PSMD1: variants seen among roughly 807,000 people sequenced by gnomAD.
PSMD1 encodes 26S proteasome non-ATPase regulatory subunit 1.
A neutral mutation model predicts 119.0 loss-of-function variants in PSMD1; 18 were observed. That is an observed-to-expected ratio of 0.15 (90% CI 0.10 to 0.22). The LOEUF (loss-of-function observed/expected upper bound fraction) is 0.22. Ranked by LOEUF, PSMD1 falls within the 10% of genes least tolerant of loss-of-function variation. PSMD1 has a pLI of 1.00. For synonymous variants in PSMD1, 374 were observed against 396.6 expected, an observed-to-expected ratio of 0.94 and a Z score of 0.68; for missense variants, 702 against 1,158.5, an observed-to-expected ratio of 0.61 and a Z score of 5.72.
In PSMD1 at chr2:231,078,730, C is replaced by G. The variant is rs1694228148; in HGVS notation, c.1143C>G (p.Thr381=). The G allele has an allele frequency of 1.9e-6, 3 of 1,602,980 alleles. No individual in the cohort carries two copies. Among genetic ancestry groups the G allele is most frequent in the Non-Finnish European group, 2.6e-6 (3 of 1,175,702 alleles). The change falls in exon 10 of 25, where the codon ACC becomes ACG. Residue 381 remains threonine (T), a synonymous_variant. Coordinates refer to ENST00000308696, the MANE Select transcript of PSMD1 (RefSeq NM_002807.4). The part of the protein sequence containing the change: ...IANSFMHCGT[T]SDQFLRDNLE... ...ACTCTTTTATGCACTGTGGGACAAC[C>G]AGTGACCAGTTTCTTAGGTAAATAT...
chr2:231,064,066 T>G (rs1693832196), intron 4 of PSMD1, among the ~76,000 whole-genome samples: 2 of 152,242 alleles, frequency 1.3e-5, no homozygotes, highest in South Asian at 4.1e-4. Context: ...ACTGGACTGT[T>G]GGTATGAAGT....
intron 4 of PSMD1, among the ~76,000 whole-genome samples, chr2:231,063,517 T>C (rs1693811108): frequency 6.6e-6 from 1 of 152,224 alleles, no homozygotes; most frequent in African/African-American, 2.4e-5. Flanking sequence ...CTTGAACACT[T>C]ACAAGGAGGA....
At chr2:231,109,095 C>G in intron 16 of PSMD1, 1 of 1,614,160 alleles carries the variant, frequency 6.2e-7, no homozygotes, top group Non-Finnish European at 8.5e-7. Flanking sequence ...AGAGCCTTGT[C>G]CTTTCGAGAA....
intron 17 of PSMD1, among the ~76,000 whole-genome samples, chr2:231,144,226 G>A (rs1258272528): frequency 6.6e-6 from 1 of 150,770 alleles, no homozygotes. Flanking sequence ...CCAACCTTAC[G>A]CTAATATTTG....
intron 6 of PSMD1, among the ~76,000 whole-genome samples, chr2:231,070,374 T>G (rs1694014433): frequency 1.3e-5 from 2 of 152,278 alleles, no homozygotes; most frequent in South Asian, 4.1e-4. Flanking sequence ...ACTAAAAAGC[T>G]ATTTTGTTGT....
intron 16 of PSMD1, among the ~76,000 whole-genome samples, chr2:231,115,185 C>G (rs1238833528): frequency 6.8e-6 from 1 of 147,210 alleles, no homozygotes; most frequent in Non-Finnish European, 1.5e-5. Flanking sequence ...ATTAAAATCT[C>G]AGACCAAAAA....
Position 231,170,855 on chromosome 2 carries a change from C to G in PSMD1, c.*9+134C>G. ...ATTTACCTAAACAGTATTAAAACTT[C>G]CCCGTTTCAACCTTTTTCTGCATAT... is the stretch of plus-strand genomic sequence containing the variant. On this transcript the variant is annotated intron_variant, in intron 24 of 24. Coordinates refer to ENST00000308696, the MANE Select transcript of PSMD1 (RefSeq NM_002807.4). This position sits in a 1 kb window ranked among gnomAD's most constrained non-coding sequence, Gnocchi z 4.1. 2 of 978,030 alleles carry G rather than the reference C, an allele frequency of 2.0e-6. No homozygotes were observed. Among genetic ancestry groups the G allele is most frequent in the Non-Finnish European group, 1.4e-6 (1 of 702,626 alleles). 60.6% of individuals were successfully genotyped at this position (978,030 alleles called of 1,614,324 possible).
chr2:231,169,629 G>A (rs1294256548), intron 23 of PSMD1, among the ~76,000 whole-genome samples: 3 of 152,186 alleles, frequency 2.0e-5, no homozygotes, highest in East Asian at 3.8e-4. Context: ...TTATACATAC[G>A]TGAATCATTT....
At chr2:231,149,868 CA>C (rs952231053) in intron 18 of PSMD1, among the ~76,000 whole-genome samples, 2 of 152,156 alleles carry the variant, frequency 1.3e-5, no homozygotes, top group Non-Finnish European at 2.9e-5. Flanking sequence ...GCTGAAAACT[CA>C]TTTGGGATCC....
chr2:231,057,252 C>A (rs1039826435), intron 1 of PSMD1, among the ~76,000 whole-genome samples: 1 of 152,072 alleles, frequency 6.6e-6, no homozygotes, highest in Non-Finnish European at 1.5e-5. Flanking sequence ...CCGGGTCGAC[C>A]GCCTCGGCAT....
rs1696888622 is a variant in PSMD1 at position 231,170,512 on chromosome 2, G to A, written c.2716-54G>A. 5 of 1,487,318 alleles carry A rather than the reference G, an allele frequency of 3.4e-6. No homozygotes were observed. The East Asian group carries it at 1.2e-4, about 36-fold the overall frequency. 92.1% of individuals were successfully genotyped at this position (1,487,318 alleles called of 1,614,324 possible). A position where few individuals can be genotyped will look rare whatever the true frequency, so the allele number is the denominator to read the frequency against. Reference sequence around the variant, plus strand: ...ATTTAACAAGTATTTACTCTAGATTGTGGAGCACGCTTGAAATATGAGTGT... The same window carrying A: ...ATTTAACAAGTATTTACTCTAGATTATGGAGCACGCTTGAAATATGAGTGT... On this transcript the variant is annotated intron_variant, in intron 23 of 24. Coordinates refer to ENST00000308696, the MANE Select transcript of PSMD1 (RefSeq NM_002807.4). This position sits in a 1 kb window ranked among gnomAD's most constrained non-coding sequence, Gnocchi z 4.1.
intron 19 of PSMD1, among the ~76,000 whole-genome samples, chr2:231,158,254 G>A (rs1696556817): frequency 6.6e-6 from 1 of 152,022 alleles, no homozygotes; most frequent in Admixed American, 6.5e-5. Flanking sequence ...AGGTTGCAGT[G>A]AGCTGAGATT....
intron 16 of PSMD1, among the ~76,000 whole-genome samples, chr2:231,087,801 AAAT>A: frequency 6.6e-6 from 1 of 152,190 alleles, no homozygotes; most frequent in East Asian, 1.9e-4. Context: ...TCTCTACTAA[AAAT>A]ACAAAAAATT....
At chr2:231,071,051 T>A (rs1694029904) in intron 6 of PSMD1, among the ~76,000 whole-genome samples, 1 of 152,084 alleles carries the variant, frequency 6.6e-6, no homozygotes, top group Admixed American at 6.5e-5. Flanking sequence ...TATTCTAACT[T>A]GATTTTTTAC....
chr2:231,083,618 C>G lies in PSMD1; in HGVS notation c.1577C>G (p.Ala526Gly). 6.2e-7 allele frequency: 1 copy of G among 1,614,184 alleles called. No homozygotes were observed. Among genetic ancestry groups the G allele is most frequent in the East Asian group, 2.2e-5 (1 of 44,880 alleles). ...TTGGTTATGTTGGGCTCTAAAAATG[C>G]TCAGGCTATTGAGGACATGGTTGGT... ...LGLVMLGSKN[A>G]QAIEDMVGYA... The change falls in exon 14 of 25, where the codon GCT becomes GGT. Residue 526 changes from alanine to glycine, a missense_variant. Coordinates refer to ENST00000308696, the MANE Select transcript of PSMD1 (RefSeq NM_002807.4).
intron 16 of PSMD1, among the ~76,000 whole-genome samples, chr2:231,135,065 T>C (rs1268012924): frequency 6.6e-6 from 1 of 152,174 alleles, no homozygotes; most frequent in Middle Eastern, 3.2e-3. Flanking sequence ...CTAGAGTGGT[T>C]TTATTGGTAA....
At chr2:231,065,595 G>T (rs1225447539) in intron 4 of PSMD1, among the ~76,000 whole-genome samples, 1 of 152,118 alleles carries the variant, frequency 6.6e-6, no homozygotes, top group Non-Finnish European at 1.5e-5. Flanking sequence ...CACCGCGCCC[G>T]GCCAGGGTGA....
At chr2:231,161,004 A>C (rs545111799) in intron 19 of PSMD1, among the ~76,000 whole-genome samples, 3 of 152,270 alleles carry the variant, frequency 2.0e-5, no homozygotes, top group South Asian at 4.1e-4. Flanking sequence ...TGAGGCTAGG[A>C]GTTTGAGACT....
intron 23 of PSMD1, among the ~76,000 whole-genome samples, chr2:231,169,371 A>T (rs577195544): frequency 6.6e-6 from 1 of 152,248 alleles, no homozygotes; most frequent in African/African-American, 2.4e-5. Flanking sequence ...TAGGCTATGG[A>T]GGATTAGGAC....
Sources: allele counts gnomAD v4.1 joint callset (sites outside exome capture counted in the v4.1 genomes callset), GRCh38; gene constraint gnomAD v4.1.1; non-coding constraint Gnocchi (gnomAD v3.1); transcripts MANE v1.5; gene names NCBI Gene and HGNC (gene_info 2026-07-23, HGNC 2026-07-21).